Variants in DOCK1 observed in about 807,000 individuals in gnomAD.
DOCK1 encodes dedicator of cytokinesis protein 1.
In DOCK1, 138 loss-of-function variants were observed where a neutral mutation model predicts 262.7. The observed-to-expected ratio is 0.53, with a 90% CI of 0.46 to 0.61. The LOEUF is 0.61. Ranked by LOEUF, DOCK1 falls within the 20% of genes least tolerant of loss-of-function variation. The probability of loss-of-function intolerance (pLI) is 0.00; values close to 1 mark genes in which losing one functional copy is unlikely to be tolerated. For missense variants in DOCK1, 1,908 were observed against 2,370.7 expected, an observed-to-expected ratio of 0.80 and a Z score of 4.05; for synonymous variants, 866 against 867.4, an observed-to-expected ratio of 1.00 and a Z score of 0.03.
intron 27 of DOCK1, among the ~76,000 whole-genome samples, chr10:127,223,589 C>T (rs2058521638): frequency 2.0e-5 from 3 of 152,082 alleles, no homozygotes; most frequent in Admixed American, 2.0e-4. Flanking sequence ...GCAAATATTC[C>T]AAACTCTGAA....
chr10:127,281,868 G>T (rs1192098151), intron 29 of DOCK1, among the ~76,000 whole-genome samples: 1 of 152,138 alleles, frequency 6.6e-6, no homozygotes, highest in African/African-American at 2.4e-5. Context: ...GGGAGGCAGG[G>T]ATTAGGAGAA....
At chr10:126,960,067 C>T (rs2037078574) in intron 1 of DOCK1, among the ~76,000 whole-genome samples, 1 of 152,164 alleles carries the variant, frequency 6.6e-6, no homozygotes, top group Non-Finnish European at 1.5e-5. Flanking sequence ...TTGGGGCTTA[C>T]AGGCACGAGC....
intron 44 of DOCK1, among the ~76,000 whole-genome samples, chr10:127,417,872 GC>G (rs968133482): frequency 6.6e-6 from 1 of 152,126 alleles, no homozygotes; most frequent in Non-Finnish European, 1.5e-5. Context: ...CACCACGCCT[GC>G]CCATCACTCT....
chr10:126,981,399 C>T (rs1384182478), intron 3 of DOCK1, among the ~76,000 whole-genome samples: 1 of 152,170 alleles, frequency 6.6e-6, no homozygotes, highest in Non-Finnish European at 1.5e-5. Flanking sequence ...CTAGGGTGTA[C>T]CCCCAGGTGT....
intron 38 of DOCK1, among the ~76,000 whole-genome samples, chr10:127,391,900 A>G (rs2066499026): frequency 6.6e-6 from 1 of 151,860 alleles, no homozygotes; most frequent in Admixed American, 6.6e-5. Context: ...CACAGCGTGA[A>G]CTGCTTCAAA....
chr10:127,145,887 G>T (rs757990589), intron 27 of DOCK1: 26 of 432,920 alleles, frequency 6.0e-5, no homozygotes, highest in South Asian at 4.5e-4. Context: ...TGTCACCAGT[G>T]ACCGGTCTAA....
At chr10:126,967,408 T>G (rs1423678275) in intron 1 of DOCK1, among the ~76,000 whole-genome samples, 23 of 152,192 alleles carry the variant, frequency 1.5e-4, no homozygotes, top group Admixed American at 1.3e-3. Flanking sequence ...GCCCTGGACT[T>G]GTCTGGGTTT....
At chr10:127,260,751 A>G (rs1201531362) in intron 29 of DOCK1, among the ~76,000 whole-genome samples, 1 of 94,818 alleles carries the variant, frequency 1.1e-5, no homozygotes, top group Non-Finnish European at 2.1e-5. Context: ...GCATGTGTGT[A>G]CCCGTGCTCA....
intron 29 of DOCK1, among the ~76,000 whole-genome samples, chr10:127,314,491 A>G (rs2062188955): frequency 6.6e-6 from 1 of 152,190 alleles, no homozygotes; most frequent in Admixed American, 6.5e-5. Context: ...AATGGGCTTC[A>G]TTCACTGTGA....
At chr10:127,291,200 T>A (rs2061334787) in intron 29 of DOCK1, among the ~76,000 whole-genome samples, 1 of 152,210 alleles carries the variant, frequency 6.6e-6, no homozygotes, top group South Asian at 2.1e-4. Context: ...GCACAGAGGC[T>A]CACCGTGCTT....
At chr10:127,081,143 T>A (rs533701549) in intron 23 of DOCK1, among the ~76,000 whole-genome samples, 4 of 152,316 alleles carry the variant, frequency 2.6e-5, no homozygotes, top group South Asian at 4.1e-4. Context: ...GATGAGCAGT[T>A]ATCAGCTGAT....
rs1408409908 is a variant in DOCK1, at chr10:127,027,658, A to G, written c.1624+1234A>G. Among the ~76,000 whole-genome samples the G allele has an allele frequency of 2.0e-5, 3 of 152,124 alleles. No homozygotes were observed. The East Asian group carries it at 5.8e-4, about 29-fold the overall frequency. On this transcript the variant is annotated intron_variant, in intron 16 of 51. Coordinates refer to ENST00000623213, the MANE Select transcript of DOCK1 (RefSeq NM_001290223.2). ...TATTCTTGAAGGTCAGGCAAGGTGG[A>G]GGCTGGCCACCTTCTGGCACGCTGC... is the stretch of plus-strand genomic sequence containing the variant.
chr10:127,388,875 C>CGGG (rs3078945), intron 38 of DOCK1, among the ~76,000 whole-genome samples: 120,940 of 151,822 alleles, frequency 0.8, 48,233 homozygotes, highest in African/African-American at 0.84. Flanking sequence ...ACAGGTGAGT[C>CGGG]TAACAATCAA....
intron 28 of DOCK1, among the ~76,000 whole-genome samples, chr10:127,252,705 G>A (rs891277996): frequency 4.7e-5 from 7 of 150,410 alleles, no homozygotes; most frequent in South Asian, 2.2e-4. Context: ...GTAGATATGT[G>A]GTGTTATTTC....
At chr10:127,066,070 C>T (rs1196412669) in intron 23 of DOCK1, among the ~76,000 whole-genome samples, 2 of 152,094 alleles carry the variant, frequency 1.3e-5, no homozygotes, top group East Asian at 3.9e-4. Flanking sequence ...GGAAATTCAA[C>T]CCGTGCCTTC....
chr10:127,300,508 C>T (rs1048217143), intron 29 of DOCK1, among the ~76,000 whole-genome samples: 5 of 152,220 alleles, frequency 3.3e-5, no homozygotes, highest in African/African-American at 1.2e-4. Flanking sequence ...GTGGGGATCA[C>T]CCTTCAGGAA....
chr10:127,260,007 G>A (rs1023807096), intron 29 of DOCK1, among the ~76,000 whole-genome samples: 4 of 152,142 alleles, frequency 2.6e-5, no homozygotes, highest in Non-Finnish European at 5.9e-5. Context: ...CAGAGACCCT[G>A]TCCAGCTTCT....
At chr10:126,955,936 C>A (rs1034153433) in intron 1 of DOCK1, among the ~76,000 whole-genome samples, 1 of 152,122 alleles carries the variant, frequency 6.6e-6, no homozygotes, top group African/African-American at 2.4e-5. Flanking sequence ...TGAGGGTAGC[C>A]TTTGGGTGAG....
At chr10:127,049,140 G>T (rs923723881) in intron 21 of DOCK1, among the ~76,000 whole-genome samples, 2 of 152,018 alleles carry the variant, frequency 1.3e-5, no homozygotes, top group African/African-American at 4.8e-5. Flanking sequence ...AACTTCAATT[G>T]TATATATACA....
Sources: gnomAD v4.1 joint callset for allele counts (sites outside exome capture counted in the v4.1 genomes callset) on GRCh38, gnomAD v4.1.1 for gene constraint, MANE v1.5 for transcripts, NCBI Gene and HGNC (gene_info 2026-07-23, HGNC 2026-07-21) for gene names.